Variants in EXOSC7 observed in about 807,000 individuals in gnomAD.
EXOSC7 encodes the protein exosome component 7.
A neutral mutation model predicts 34.3 loss-of-function variants in EXOSC7; 25 were observed. That is an observed-to-expected ratio of 0.73 (90% CI 0.53 to 1.02). The LOEUF (loss-of-function observed/expected upper bound fraction) is 1.02. Ranked by LOEUF, EXOSC7 falls within the 50% of genes least tolerant of loss-of-function variation. The probability of loss-of-function intolerance (pLI) is 0.00; values close to 1 mark genes in which losing one functional copy is unlikely to be tolerated. For synonymous variants in EXOSC7, 130 were observed against 143.0 expected (o/e 0.91, Z 0.65); for missense variants, 370 against 368.5 (o/e 1.00, Z -0.03).
At chr3:45,002,609 G>T (rs1706912821) in intron 5 of EXOSC7, among the ~76,000 whole-genome samples, 1 of 152,154 alleles carries the variant, frequency 6.6e-6, no homozygotes, top group African/African-American at 2.4e-5. Flanking sequence ...TATATGTAAT[G>T]TGTCTGGAAA....
At chr3:45,012,317 A>G (rs1306820434), downstream of EXOSC7, 1 of 152,196 alleles carries the variant, frequency 6.6e-6, no homozygotes, top group Non-Finnish European at 1.5e-5. Flanking sequence ...TTATCACCAA[A>G]TGGAAAGAAC....
At chr3:45,008,179 C>T (rs556366000) in intron 7 of EXOSC7, among the ~76,000 whole-genome samples, 13 of 152,326 alleles carry the variant, frequency 8.5e-5, no homozygotes, top group East Asian at 7.7e-4. Flanking sequence ...CTGGAAGCCC[C>T]GCAGGGCAGG....
downstream of EXOSC7, among the ~76,000 whole-genome samples, chr3:45,011,787 C>CGT (rs1553701432): frequency 6.6e-6 from 1 of 152,200 alleles, no homozygotes; most frequent in Non-Finnish European, 1.5e-5. Flanking sequence ...ACACCCAGGG[C>CGT]GTCTGTCTGT....
chr3:45,001,899 C>T (rs886330576), intron 5 of EXOSC7: 3 of 350,762 alleles, frequency 8.6e-6, no homozygotes, highest in Non-Finnish European at 1.6e-5. Context: ...AGAGTAGACA[C>T]CACCTACAGG....
intron 7 of EXOSC7, among the ~76,000 whole-genome samples, chr3:45,008,093 C>G (rs1707105295): frequency 6.6e-6 from 1 of 152,212 alleles, no homozygotes; most frequent in Non-Finnish European, 1.5e-5. Flanking sequence ...GGGTTGCCCT[C>G]ATCCCTAGCA....
intron 3 of EXOSC7, among the ~76,000 whole-genome samples, chr3:44,995,785 G>T (rs1294777261): frequency 1.3e-5 from 2 of 152,170 alleles, no homozygotes; most frequent in African/African-American, 4.8e-5. Flanking sequence ...AAAATTTTAT[G>T]TAACAACATA....
intron 1 of EXOSC7, among the ~76,000 whole-genome samples, chr3:44,984,719 A>G (rs62242655): frequency 0.1 from 15,567 of 152,286 alleles, 841 homozygotes; most frequent in Middle Eastern, 0.18. Flanking sequence ...AATGGAATGA[A>G]TAACACTATC....
chr3:44,999,208 C>T (rs1007296818), intron 4 of EXOSC7, among the ~76,000 whole-genome samples: 2 of 152,192 alleles, frequency 1.3e-5, no homozygotes, highest in African/African-American at 4.8e-5. Flanking sequence ...TATCTCAGCT[C>T]AGAAGCAGCC....
rs571786139 is a variant in EXOSC7, at chr3:44,986,558, G to A, written c.58-2582G>A. Among the ~76,000 whole-genome samples, 68 of 152,352 alleles carry A rather than the reference G, an allele frequency of 4.5e-4. 1 individual carries two copies. The highest frequency in any genetic ancestry group is 7.8e-4 in the Non-Finnish European group (53 of 68,032). The stretch of plus-strand genomic sequence containing the variant: ...AAAGGGGCTCCCGCAGTGCAGCGGC[G>A]GGCTGAAGGGCTCCTCAAGTGCTGC... On this transcript the variant is annotated intron_variant, in intron 1 of 7. Transcript: ENST00000265564.
intron 1 of EXOSC7, among the ~76,000 whole-genome samples, chr3:44,981,519 C>G (rs1274109260): frequency 6.6e-6 from 1 of 152,136 alleles, no homozygotes. Context: ...ACCATCCACA[C>G]TAGATCCCCA....
intron 6 of EXOSC7, 121 bp downstream of exon 6, chr3:45,005,535 C>T: frequency 1.1e-6 from 1 of 927,414 alleles, no homozygotes; most frequent in Non-Finnish European, 1.6e-6. Context: ...ATAGAAGTAG[C>T]TTTTACCCAA....
intron 3 of EXOSC7, 150 bp from the exon 4 acceptor site, chr3:44,996,937 G>A: frequency 5.5e-6 from 4 of 733,330 alleles, no homozygotes; most frequent in Non-Finnish European, 9.1e-6. Context: ...CAGGAAAAGT[G>A]GCAGATGCCA....
intron 1 of EXOSC7, among the ~76,000 whole-genome samples, chr3:44,982,677 C>T (rs1706302583): frequency 6.6e-6 from 1 of 152,222 alleles, no homozygotes; most frequent in African/African-American, 2.4e-5. Flanking sequence ...ATTGAGCAGT[C>T]AGTATTCGGT....
In EXOSC7 at chr3:45,011,346, C is replaced by T. The variant is rs1455351645; in HGVS notation, c.*7C>T. The T allele has an allele frequency of 3.2e-6, 5 of 1,550,202 alleles. No homozygotes were observed. Among genetic ancestry groups the T allele is most frequent in the Admixed American group, 3.4e-5 (2 of 59,070 alleles). On this transcript the variant is annotated 3_prime_UTR_variant, in exon 8 of 8. Transcript: ENST00000265564. ...AGTTGGATTCCTGGGATGATTTGCA[C>T]ATCAACTGCTCAACTGTGGATTGTT...
intron 5 of EXOSC7, among the ~76,000 whole-genome samples, chr3:45,003,555 TG>T (rs1472888954): frequency 6.6e-6 from 1 of 152,122 alleles, no homozygotes; most frequent in African/African-American, 2.4e-5. Flanking sequence ...GGCTCAATCA[TG>T]GGGGGTTTTG....
intron 1 of EXOSC7, among the ~76,000 whole-genome samples, chr3:44,976,792 G>A (rs920544715): frequency 1.3e-5 from 2 of 152,226 alleles, no homozygotes; most frequent in African/African-American, 4.8e-5. Flanking sequence ...ACAAATAAAG[G>A]GGGAAGGGTT....
At chr3:45,001,199 C>T (rs1482914519) in intron 4 of EXOSC7, among the ~76,000 whole-genome samples, 1 of 151,702 alleles carries the variant, frequency 6.6e-6, no homozygotes, top group Non-Finnish European at 1.5e-5. Context: ...CATGCCTATA[C>T]CCCAGCACTT....
At chr3:44,984,037 G>A (rs940586331) in intron 1 of EXOSC7, among the ~76,000 whole-genome samples, 1 of 152,192 alleles carries the variant, frequency 6.6e-6, no homozygotes, top group Non-Finnish European at 1.5e-5. Flanking sequence ...TTCTCCAGGA[G>A]GCAGAGAGTG....
At chr3:44,977,432 T>C (rs1706110475) in intron 1 of EXOSC7, 1 of 152,354 alleles carries the variant, frequency 6.6e-6, no homozygotes, top group East Asian at 1.9e-4. Flanking sequence ...GTTAAGGACA[T>C]GTCCATTTAA....
Sources: gnomAD v4.1 joint callset for allele counts (sites outside exome capture counted in the v4.1 genomes callset) on GRCh38, gnomAD v4.1.1 for gene constraint, MANE v1.5 for transcripts, NCBI Gene and HGNC (gene_info 2026-07-23, HGNC 2026-07-21) for gene names.